Variants in PSMD14 observed in about 807,000 individuals in gnomAD.
PSMD14 encodes the protein ubiquitin C-terminal hydrolase PSMD14.
A neutral mutation model predicts 41.2 loss-of-function variants in PSMD14; 7 were observed. That is an observed-to-expected ratio of 0.17 (90% CI 0.10 to 0.32). The LOEUF (loss-of-function observed/expected upper bound fraction) is 0.32, where lower values mean the gene tolerates loss of function less well. Among genes scored for constraint, PSMD14 ranks in the 10% least tolerant of loss-of-function variants. The pLI is 1.00. For synonymous variants in PSMD14, 114 were observed against 122.3 expected (o/e 0.93, Z 0.45); for missense variants, 139 against 375.6 (o/e 0.37, Z 5.21).
chr2:161,331,028 T>C (rs1217152737), intron 3 of PSMD14, among the ~76,000 whole-genome samples: 1 of 152,174 alleles, frequency 6.6e-6, no homozygotes, highest in Non-Finnish European at 1.5e-5. Flanking sequence ...ACCATTCTGT[T>C]TTATAGAAAA....
chr2:161,408,860 G>T lies in PSMD14; in HGVS notation c.795G>T (p.Met265Ile). The T allele has an allele frequency of 1.2e-6, 2 of 1,607,142 alleles. No homozygotes were observed. The highest frequency in any genetic ancestry group is 2.2e-5 in the South Asian group (2 of 90,302). The change falls in exon 11 of 12, where the codon ATG becomes ATT. Residue 265 changes from methionine (M) to isoleucine (I), a missense_variant. By Grantham distance (10) the Met-to-Ile change is conservative. Transcript: ENST00000409682. The stretch of plus-strand genomic sequence containing the variant: ...AGGCTGTAGAAGAAGAAGATAAGAT[G>T]ACACCTGAACAGCTGGCAATAAAGA... The part of the protein sequence containing the change: ...YNKAVEEEDK[M>I]TPEQLAIKNV...
intron 3 of PSMD14, among the ~76,000 whole-genome samples, chr2:161,322,089 G>A (rs1682616396): frequency 6.6e-6 from 1 of 152,126 alleles, no homozygotes; most frequent in African/African-American, 2.4e-5. Flanking sequence ...CTATCTAGGG[G>A]TGTGCACTAA....
intron 3 of PSMD14, among the ~76,000 whole-genome samples, chr2:161,330,701 C>T (rs1357538690): frequency 6.6e-6 from 1 of 152,208 alleles, no homozygotes; most frequent in Non-Finnish European, 1.5e-5. Context: ...GTGGTCTCCA[C>T]TGGGCAGCCT....
At chr2:161,397,179 G>A (rs1683812289) in intron 10 of PSMD14, among the ~76,000 whole-genome samples, 1 of 152,094 alleles carries the variant, frequency 6.6e-6, no homozygotes, top group South Asian at 2.1e-4. Flanking sequence ...CCTGACTTTA[G>A]AAACATGATT....
intron 3 of PSMD14, among the ~76,000 whole-genome samples, chr2:161,324,078 TAGTC>T (rs1161070123): frequency 5.3e-5 from 8 of 152,210 alleles, no homozygotes. Flanking sequence ...GCTTTGGAAA[TAGTC>T]AATATAAGCT....
intron 4 of PSMD14, 62 bp downstream of exon 4, chr2:161,367,611 T>G (rs1214903063): frequency 6.9e-7 from 1 of 1,458,928 alleles, no homozygotes; most frequent in Non-Finnish European, 9.4e-7. Flanking sequence ...TATCTTTTAC[T>G]TTGGAATATT....
At chr2:161,365,149 C>T (rs1683342019) in intron 3 of PSMD14, among the ~76,000 whole-genome samples, 1 of 152,164 alleles carries the variant, frequency 6.6e-6, no homozygotes, top group Admixed American at 6.5e-5. Context: ...TAAACAGCTG[C>T]ATAGTCTTCT....
intron 3 of PSMD14, among the ~76,000 whole-genome samples, chr2:161,363,418 C>A (rs1683318318): frequency 6.6e-6 from 1 of 152,108 alleles, no homozygotes; most frequent in East Asian, 1.9e-4. Flanking sequence ...TACTTTTACC[C>A]TTGTTTCTCC....
At chr2:161,353,198 A>G (rs1379249695) in intron 3 of PSMD14, among the ~76,000 whole-genome samples, 2 of 152,224 alleles carry the variant, frequency 1.3e-5, no homozygotes, top group Non-Finnish European at 2.9e-5. Flanking sequence ...TTAATATTTT[A>G]TGTGGAAAAA....
intron 3 of PSMD14, among the ~76,000 whole-genome samples, chr2:161,345,456 T>A (rs1683028163): frequency 6.6e-6 from 1 of 152,018 alleles, no homozygotes; most frequent in African/African-American, 2.4e-5. Flanking sequence ...TTGCCCAGGC[T>A]GGTCTCAAAC....
At chr2:161,327,248 G>A (rs960750164) in intron 3 of PSMD14, among the ~76,000 whole-genome samples, 11 of 152,094 alleles carry the variant, frequency 7.2e-5, no homozygotes, top group South Asian at 6.2e-4. Context: ...TAATGGGTAC[G>A]GAGTTTCAGT....
At chr2:161,323,274 C>T (rs954855990) in intron 3 of PSMD14, among the ~76,000 whole-genome samples, 6 of 152,126 alleles carry the variant, frequency 3.9e-5, no homozygotes, top group African/African-American at 1.4e-4. Context: ...CTTTCTTTTC[C>T]ATTAGTTTTT....
chr2:161,350,901 A>G (rs1418998407), intron 3 of PSMD14, among the ~76,000 whole-genome samples: 1 of 152,210 alleles, frequency 6.6e-6, no homozygotes, highest in African/African-American at 2.4e-5. Context: ...TTAGTCTCCA[A>G]GTATTATACT....
chr2:161,379,265 A>G (rs904064621), intron 7 of PSMD14, among the ~76,000 whole-genome samples: 1 of 152,020 alleles, frequency 6.6e-6, no homozygotes, highest in Non-Finnish European at 1.5e-5. Flanking sequence ...CTAGTGACCC[A>G]TAGGTGATAG....
At chr2:161,392,987 A>C (rs1445640850) in intron 9 of PSMD14, among the ~76,000 whole-genome samples, 1 of 152,158 alleles carries the variant, frequency 6.6e-6, no homozygotes, top group Non-Finnish European at 1.5e-5. Flanking sequence ...TGGCATAAAA[A>C]GCAAATATAT....
chr2:161,403,574 G>A (rs775100046), intron 10 of PSMD14, among the ~76,000 whole-genome samples: 5 of 152,028 alleles, frequency 3.3e-5, no homozygotes, highest in African/African-American at 9.7e-5. Flanking sequence ...TGTCACTACC[G>A]TGCTTTTAAA....
At chr2:161,410,713 A>G (rs2105275009) in intron 11 of PSMD14, among the ~76,000 whole-genome samples, 1 of 152,248 alleles carries the variant, frequency 6.6e-6, no homozygotes, top group Non-Finnish European at 1.5e-5. Context: ...ACATTTTAGA[A>G]TTGATCCAAA....
chr2:161,395,860 A>T (rs1683786408), intron 10 of PSMD14, among the ~76,000 whole-genome samples: 1 of 152,250 alleles, frequency 6.6e-6, no homozygotes, highest in South Asian at 2.1e-4. Flanking sequence ...GCTTCTAAAT[A>T]ACCAGGGCAT....
chr2:161,361,076 T>C (rs1166506941), intron 3 of PSMD14, among the ~76,000 whole-genome samples: 1 of 152,228 alleles, frequency 6.6e-6, no homozygotes, highest in African/African-American at 2.4e-5. Flanking sequence ...AATGTGCTTC[T>C]TCACCCAGAT....
Sources: allele counts gnomAD v4.1 joint callset (sites outside exome capture counted in the v4.1 genomes callset), GRCh38; gene constraint gnomAD v4.1.1; transcripts MANE v1.5; gene names NCBI Gene and HGNC (gene_info 2026-07-23, HGNC 2026-07-21).